ARRDC5: variants seen among roughly 807,000 people sequenced by gnomAD.
ARRDC5 encodes the protein arrestin domain containing 5, also known as arrestin domain-containing protein 5.
ARRDC5 carries 12 observed loss-of-function variants against 13.3 expected under a neutral mutation model. That is an observed-to-expected ratio of 0.90 (90% CI 0.58 to 1.46). The LOEUF is 1.46. Ranked by LOEUF, ARRDC5 falls within the 40% of genes most tolerant of loss-of-function variation. The probability of loss-of-function intolerance (pLI) is 0.00; values close to 1 mark genes in which losing one functional copy is unlikely to be tolerated. For missense variants in ARRDC5, 406 were observed against 418.7 expected, an observed-to-expected ratio of 0.97 and a Z score of 0.26; for synonymous variants, 181 against 173.4, an observed-to-expected ratio of 1.04 and a Z score of -0.34.
chr19:4,896,726 C>T lies in ARRDC5; in HGVS notation c.404G>A (p.Arg135Lys), dbSNP rs2031748441. 6.2e-7 allele frequency: 1 copy of T among 1,613,604 alleles called. No individual in the cohort carries two copies. The highest frequency in any genetic ancestry group is 8.5e-7 in the Non-Finnish European group (1 of 1,179,778). Residue 135 changes from arginine (R) to lysine (K), a missense_variant, in exon 2 of 3, where the codon AGG (arginine) becomes AAG (lysine). Physicochemically the swap from Arg to Lys is conservative, Grantham distance 26. Coordinates refer to ENST00000650722, the MANE Select transcript of ARRDC5 (RefSeq NM_001080523.3). ...AGTTCCTTGAACCAATAAGTACATC[C>T]TCTTCTTGGCTAAAATGTGTTCCCT... ...MGREHILAKKRMYLLVQGTST... is the reference protein window; with the variant it reads ...MGREHILAKKKMYLLVQGTST...
At chr19:4,899,515 C>T (rs1464848504) in intron 1 of ARRDC5, among the ~76,000 whole-genome samples, 1 of 151,670 alleles carries the variant, frequency 6.6e-6, no homozygotes, top group Non-Finnish European at 1.5e-5. Flanking sequence ...GCCTGTAATC[C>T]CAGCTATGCA....
upstream of ARRDC5, among the ~76,000 whole-genome samples, chr19:4,905,605 C>T (rs1255179640): frequency 6.6e-6 from 1 of 151,924 alleles, no homozygotes; most frequent in East Asian, 1.9e-4. Context: ...GTAACCTCCG[C>T]CTCCTGGGTT....
the ARRDC5 span, among the ~76,000 whole-genome samples, chr19:4,911,861 G>A: frequency 1.3e-5 from 2 of 152,080 alleles, no homozygotes; most frequent in Admixed American, 1.3e-4. Flanking sequence ...TGGTTGGACC[G>A]TGGGGACGGG....
the ARRDC5 span, among the ~76,000 whole-genome samples, chr19:4,914,541 G>A: frequency 6.6e-6 from 1 of 152,218 alleles, no homozygotes; most frequent in African/African-American, 2.4e-5. Flanking sequence ...TGAATAGGGT[G>A]ACAGTGATGT....
chr19:4,894,372 G>A (rs1397774929), intron 2 of ARRDC5, among the ~76,000 whole-genome samples: 2 of 150,686 alleles, frequency 1.3e-5, no homozygotes, highest in African/African-American at 2.4e-5. Context: ...TTAGCCGGGC[G>A]TAGTGGCAGG....
At chr19:4,892,206 G>A (rs1323613717) in intron 2 of ARRDC5, among the ~76,000 whole-genome samples, 2 of 151,906 alleles carry the variant, frequency 1.3e-5, no homozygotes, top group African/African-American at 2.4e-5. Context: ...TTCTGCCTCA[G>A]CCTCCTGAGT....
chr19:4,897,672 A>G (rs2031780252), intron 1 of ARRDC5, among the ~76,000 whole-genome samples: 1 of 152,130 alleles, frequency 6.6e-6, no homozygotes, highest in South Asian at 2.1e-4. Context: ...CCATGCCACC[A>G]TGCCTGGCTA....
At chr19:4,900,293 T>C (rs1817173094) in intron 1 of ARRDC5, among the ~76,000 whole-genome samples, 2 of 151,790 alleles carry the variant, frequency 1.3e-5, no homozygotes, top group Admixed American at 1.3e-4. Flanking sequence ...ATTTTTTGTA[T>C]TTTTAGTAGA....
intron 2 of ARRDC5, among the ~76,000 whole-genome samples, chr19:4,893,161 ATATAT>A (rs1433665185): frequency 7.1e-6 from 1 of 141,366 alleles, no homozygotes; most frequent in Non-Finnish European, 1.5e-5. Flanking sequence ...AATATATATA[ATATAT>A]TATTATATAT....
At position 4,895,117 on chromosome 19, in the gene ARRDC5, A is replaced by ATT. The variant is rs11451900; in HGVS notation, c.459+1552_459+1553dup. On this transcript the variant is annotated intron_variant, in intron 2 of 2. Coordinates refer to ENST00000650722, the MANE Select transcript of ARRDC5 (RefSeq NM_001080523.3). ...CCCTTATTTCCAAATGAGCTATTAC[A>ATT]TTTTTTTTTTAATAGCGGTACCGGC... Among the ~76,000 whole-genome samples, 209 of 149,702 alleles carry ATT rather than the reference A, an allele frequency of 1.4e-3. 1 individual carries two copies. The highest frequency in any genetic ancestry group is 2.1e-3 in the Admixed American group (32 of 14,946).
intron 1 of ARRDC5, among the ~76,000 whole-genome samples, chr19:4,897,517 C>G (rs1467258140): frequency 6.6e-6 from 1 of 151,484 alleles, no homozygotes; most frequent in African/African-American, 2.4e-5. Flanking sequence ...ACAAATATAT[C>G]TTTTTTTTTC....
intron 2 of ARRDC5, among the ~76,000 whole-genome samples, chr19:4,894,641 G>A (rs1379575791): frequency 1.3e-5 from 2 of 148,232 alleles, no homozygotes; most frequent in Non-Finnish European, 3.0e-5. Flanking sequence ...CCGAGATCGC[G>A]CCACTGCCCT....
chr19:4,909,619 C>A, the ARRDC5 span: 1 of 616,728 alleles, frequency 1.6e-6, no homozygotes, highest in Non-Finnish European at 2.9e-6. Context: ...CCGGGCCACG[C>A]GCGCAGGCAG....
At chr19:4,895,233 C>G (rs1029778439) in intron 2 of ARRDC5, among the ~76,000 whole-genome samples, 3 of 151,594 alleles carry the variant, frequency 2.0e-5, no homozygotes, top group African/African-American at 7.3e-5. Context: ...ACCAGCCTGG[C>G]CAACATGTGG....
intron 2 of ARRDC5, among the ~76,000 whole-genome samples, chr19:4,894,616 A>G (rs112626189): frequency 3.1e-4 from 43 of 138,234 alleles, no homozygotes; most frequent in South Asian, 2.1e-3. Flanking sequence ...CCTGGGAGGC[A>G]GAGCTTGCAG....
At chr19:4,913,400 CCCA>C in the ARRDC5 span, among the ~76,000 whole-genome samples, 9 of 151,410 alleles carry the variant, frequency 5.9e-5, no homozygotes, top group Non-Finnish European at 8.8e-5. Context: ...ATTACAGTCA[CCCA>C]CCACCACGCC....
At chr19:4,916,496 G>A in the ARRDC5 span, among the ~76,000 whole-genome samples, 407 of 152,218 alleles carry the variant, frequency 2.7e-3, 3 homozygotes, top group African/African-American at 8.9e-3. Context: ...TCTTTGTGGC[G>A]GTTGTGTTGA....
At chr19:4,898,777 T>C (rs7259594) in intron 1 of ARRDC5, among the ~76,000 whole-genome samples, 51,259 of 150,222 alleles carry the variant, frequency 0.34, 9,370 homozygotes, top group Middle Eastern at 0.49. Flanking sequence ...CAGGCGCGTG[T>C]CACCACACCT....
the ARRDC5 span, among the ~76,000 whole-genome samples, chr19:4,912,209 C>G: frequency 2.0e-4 from 30 of 152,286 alleles, no homozygotes; most frequent in Admixed American, 3.3e-4. Context: ...CGGTGCAAGC[C>G]GCGTGTGTGC....
Sources: gnomAD v4.1 joint callset for allele counts (sites outside exome capture counted in the v4.1 genomes callset) on GRCh38, gnomAD v4.1.1 for gene constraint, MANE v1.5 for transcripts, NCBI Gene and HGNC (gene_info 2026-07-23, HGNC 2026-07-21) for gene names.